The following ZKSCAN7 variants were observed in gnomAD, a reference collection of about 807,000 sequenced individuals.
ZKSCAN7 encodes zinc finger with KRAB and SCAN domains 7.
In ZKSCAN7, 38 loss-of-function variants were observed where a neutral mutation model predicts 65.3. That is an observed-to-expected ratio of 0.58 (90% CI 0.45 to 0.76). The LOEUF (loss-of-function observed/expected upper bound fraction) is 0.76, where lower values mean the gene tolerates loss of function less well. Among genes scored for constraint, ZKSCAN7 ranks in the 30% least tolerant of loss-of-function variants. The pLI, the probability that ZKSCAN7 is intolerant of heterozygous loss-of-function variation, is 0.00. For synonymous variants in ZKSCAN7, 321 were observed against 321.0 expected (o/e 1.00, Z 0.00); for missense variants, 815 against 913.3 (o/e 0.89, Z 1.39).
At chr3:44,575,548 A>G (rs7624907), downstream of ZKSCAN7, among the ~76,000 whole-genome samples, 2,177 of 152,350 alleles carry the variant, frequency 0.014, 35 homozygotes, top group African/African-American at 0.029. Context: ...CAAATAATTG[A>G]AATTTTCTTG....
rs149581586 is a variant in ZKSCAN7 at position 44,570,644 on chromosome 3, C to G, written c.1534C>G (p.Arg512Gly). The G allele has an allele frequency of 1.1e-5, 18 of 1,613,772 alleles. No individual in the cohort carries two copies. The highest frequency in any genetic ancestry group is 1.4e-5 in the Non-Finnish European group (17 of 1,179,956). The change falls in exon 6 of 6, where the codon CGA (arginine) becomes GGA (glycine). Residue 512 changes from arginine (R) to glycine (G), a missense_variant. Physicochemically the swap from Arg to Gly is moderately radical, Grantham distance 125. This residue lies in a region of ZKSCAN7 where 578 missense variants were observed against 629.5 expected (regional missense o/e 0.92). Coordinates refer to ENST00000426540, the MANE Select transcript of ZKSCAN7 (RefSeq NM_001288590.2). ...EAFIRSKSLA[R>G]HQVLHTGKKP... is the part of the protein sequence containing the mutation. ...ATTCATTCGAAGCAAAAGTCTTGCT[C>G]GACATCAGGTCCTGCACACTGGTAA... is the stretch of plus-strand genomic sequence containing the variant.
chr3:44,558,782 ATT>A (rs35709621), intron 2 of ZKSCAN7, among the ~76,000 whole-genome samples: 967 of 92,724 alleles, frequency 0.01, 2 homozygotes, highest in East Asian at 0.04. Flanking sequence ...TTTCTTCTTC[ATT>A]TTTTTTTTTT....
chr3:44,573,255 T>C (rs1575379088), downstream of ZKSCAN7, among the ~76,000 whole-genome samples: 1 of 152,216 alleles, frequency 6.6e-6, no homozygotes, highest in Non-Finnish European at 1.5e-5. Flanking sequence ...TTGCCTCTGT[T>C]GTCTACCTCC....
At chr3:44,579,316 G>A (rs1480046987) in intron 5 of ZKSCAN7, among the ~76,000 whole-genome samples, 1 of 150,366 alleles carries the variant, frequency 6.7e-6, no homozygotes, top group Non-Finnish European at 1.5e-5. Context: ...CCGCCTCAGG[G>A]CGCAGGGGCT....
Position 44,557,042 on chromosome 3 carries a change from G to A in ZKSCAN7, c.-6G>A. 1.9e-6 allele frequency: 3 copies of A among 1,614,140 alleles called. No homozygotes were observed. The highest frequency in any genetic ancestry group is 2.5e-6 in the Non-Finnish European group (3 of 1,180,016). ...CAGCTGTAACAAGCTTCTCTTTGGGGTCACAATGACCACTGCAGGCAGGGG... is the reference window on the plus strand; with the variant it reads ...CAGCTGTAACAAGCTTCTCTTTGGGATCACAATGACCACTGCAGGCAGGGG... On this transcript the variant is annotated 5_prime_UTR_variant, in exon 2 of 6. Coordinates refer to ENST00000426540, the MANE Select transcript of ZKSCAN7 (RefSeq NM_001288590.2).
exon 6 of ZKSCAN7, chr3:44,583,401 T>C (rs1189604392): frequency 6.6e-6 from 1 of 152,626 alleles, no homozygotes; most frequent in East Asian, 1.9e-4. Flanking sequence ...CATGAGCCAA[T>C]GGAGAAGAAA....
chr3:44,556,287 C>T (rs1298478387), intron 1 of ZKSCAN7, among the ~76,000 whole-genome samples: 2 of 152,236 alleles, frequency 1.3e-5, no homozygotes, highest in African/African-American at 4.8e-5. Context: ...TACCAGCACT[C>T]TTCCTGATGG....
chr3:44,581,555 C>A (rs1314060399), intron 5 of ZKSCAN7, among the ~76,000 whole-genome samples: 1 of 152,118 alleles, frequency 6.6e-6, no homozygotes, highest in Admixed American at 6.5e-5. Flanking sequence ...GAAAAATATT[C>A]CTGAAGTGGA....
intron 5 of ZKSCAN7, chr3:44,581,097 C>T (rs1343196436): frequency 5.9e-6 from 6 of 1,009,508 alleles, no homozygotes; most frequent in Non-Finnish European, 7.1e-6. Context: ...GGGCTCAGCG[C>T]GGCCGCCGCC....
intron 2 of ZKSCAN7, among the ~76,000 whole-genome samples, chr3:44,560,029 A>AT (rs1699420027): frequency 6.6e-6 from 1 of 152,176 alleles, no homozygotes; most frequent in Non-Finnish European, 1.5e-5. Context: ...TAAGAAGTTA[A>AT]TGCTTCCTCC....
At chr3:44,582,325 A>G (rs75821695) in intron 5 of ZKSCAN7, among the ~76,000 whole-genome samples, 2,935 of 152,330 alleles carry the variant, frequency 0.019, 32 homozygotes, top group Non-Finnish European at 0.033. Flanking sequence ...AAAACACAAT[A>G]GGAGAGCAAT....
chr3:44,579,141 C>A (rs540857913), intron 5 of ZKSCAN7, among the ~76,000 whole-genome samples: 1 of 152,242 alleles, frequency 6.6e-6, no homozygotes. Context: ...TCCACGTGGA[C>A]GTTATGCGTC....
chr3:44,556,917 CT>C lies in ZKSCAN7; in HGVS notation c.-118-11del. 8.2e-7 allele frequency: 1 copy of C among 1,219,154 alleles called. No homozygotes were observed. The highest frequency in any genetic ancestry group is 1.2e-6 in the Non-Finnish European group (1 of 848,338). 75.5% of individuals were successfully genotyped at this position (1,219,154 alleles called of 1,614,324 possible). A position where few individuals can be genotyped will look rare whatever the true frequency, so the allele number is the denominator to read the frequency against. On this transcript the variant is annotated splice_polypyrimidine_tract_variant and intron_variant, in intron 1 of 5. Coordinates refer to ENST00000426540, the MANE Select transcript of ZKSCAN7 (RefSeq NM_001288590.2). Reference sequence around the variant, plus strand: ...ATACTCCAAGAACTCTGATTTCACTCTTGTTTCTGTAGGCCACACTACCATC... The same window carrying C: ...ATACTCCAAGAACTCTGATTTCACTCTGTTTCTGTAGGCCACACTACCATC...
chr3:44,582,010 C>T (rs902253692), intron 5 of ZKSCAN7, among the ~76,000 whole-genome samples: 8 of 152,190 alleles, frequency 5.3e-5, no homozygotes, highest in Non-Finnish European at 1.0e-4. Flanking sequence ...TGAATACGCA[C>T]ATGGTGGCAC....
rs1699821674 is a variant in ZKSCAN7, at chr3:44,572,070, G to A, written c.*695G>A. 1.0e-6 allele frequency: 1 copy of A among 984,572 alleles called. No individual in the cohort carries two copies. Among genetic ancestry groups the A allele is most frequent in the African/African-American group, 1.7e-5 (1 of 57,188 alleles). 61.0% of individuals were successfully genotyped at this position (984,572 alleles called of 1,614,324 possible). ...TATACTTTTATACCAACTTATTGTA[G>A]GCTCTTTGAGGTCAGGTATGTATTT... On this transcript the variant is annotated 3_prime_UTR_variant, in exon 6 of 6. Transcript: ENST00000426540.
At chr3:44,575,211 G>T (rs548515318), downstream of ZKSCAN7, among the ~76,000 whole-genome samples, 7 of 152,318 alleles carry the variant, frequency 4.6e-5, no homozygotes, top group Admixed American at 4.6e-4. Flanking sequence ...CAGGAGGATT[G>T]CCCGAGCCTG....
intron 2 of ZKSCAN7, among the ~76,000 whole-genome samples, chr3:44,560,091 G>A (rs1160837067): frequency 6.6e-6 from 1 of 152,172 alleles, no homozygotes; most frequent in Non-Finnish European, 1.5e-5. Flanking sequence ...AAGGGTGACT[G>A]TTGAGTCACA....
intron 5 of ZKSCAN7, among the ~76,000 whole-genome samples, chr3:44,581,578 T>A (rs1407888374): frequency 6.6e-6 from 1 of 152,220 alleles, no homozygotes; most frequent in Admixed American, 6.5e-5. Flanking sequence ...AGTTTTGTTA[T>A]ACAACACATA....
chr3:44,558,807 T>C (rs1039407726), intron 2 of ZKSCAN7, among the ~76,000 whole-genome samples: 6 of 126,056 alleles, frequency 4.8e-5, no homozygotes, highest in Non-Finnish European at 1.0e-4. Context: ...TTTTTTTGGG[T>C]CTTGCTCTGT....
Sources: allele counts gnomAD v4.1 joint callset (sites outside exome capture counted in the v4.1 genomes callset), GRCh38; gene constraint gnomAD v4.1.1; regional missense constraint gnomAD v4.1.1; transcripts MANE v1.5; gene names NCBI Gene and HGNC (gene_info 2026-07-23, HGNC 2026-07-21).